The following TXNDC11 variants were observed in gnomAD, a reference collection of about 807,000 sequenced individuals.
TXNDC11 encodes the protein thioredoxin domain-containing protein 11.
In TXNDC11, 68 loss-of-function variants were observed where a neutral mutation model predicts 78.0. The ratio of observed to expected loss-of-function variants is 0.87; its 90% confidence interval spans 0.72 to 1.07. The LOEUF (loss-of-function observed/expected upper bound fraction) is 1.07, where lower values mean the gene tolerates loss of function less well. TXNDC11 is among the 50% of genes least tolerant of loss of function. The pLI, the probability that TXNDC11 is intolerant of heterozygous loss-of-function variation, is 0.00. For synonymous variants in TXNDC11, 571 were observed against 495.2 expected (o/e 1.15, Z -2.03); for missense variants, 1,389 against 1,221.8 (o/e 1.14, Z -2.04).
intron 5 of TXNDC11, among the ~76,000 whole-genome samples, chr16:11,710,094 G>A (rs987577734): frequency 3.3e-5 from 5 of 152,160 alleles, no homozygotes; most frequent in African/African-American, 1.2e-4. Flanking sequence ...AGCGAGCCAA[G>A]ATCACACCAC....
rs1367206231 is a variant in TXNDC11, at chr16:11,679,207, G to A, written c.2865C>T (p.Asn955=). ...ATCATTTAAAAAGTTAGTCTGTCCT[G>A]TTCTCCTTATTCCTTTCAGACACCA... ...ATLVSERNKE[N]RTD is the part of the protein sequence containing the mutation. Residue 955 remains asparagine (N), a synonymous_variant, in exon 12 of 12, where the codon AAC becomes AAT. Coordinates refer to ENST00000283033, the MANE Select transcript of TXNDC11 (RefSeq NM_015914.7). The surrounding 1 kb of genome is among the most constrained non-coding windows in gnomAD (Gnocchi z 4.6). 2 of 1,613,668 alleles carry A rather than the reference G, an allele frequency of 1.2e-6. No individual in the cohort carries two copies. Among genetic ancestry groups the A allele is most frequent in the Non-Finnish European group, 1.7e-6 (2 of 1,179,996 alleles).
At chr16:11,709,476 C>CTA (rs2051278915) in intron 5 of TXNDC11, among the ~76,000 whole-genome samples, 2 of 132,438 alleles carry the variant, frequency 1.5e-5, no homozygotes, top group African/African-American at 3.0e-5. Context: ...GCTCTGTTGC[C>CTA]CAGGCTGGAG....
intron 5 of TXNDC11, among the ~76,000 whole-genome samples, chr16:11,714,398 T>C (rs537269531): frequency 1.3e-5 from 2 of 152,280 alleles, no homozygotes; most frequent in South Asian, 4.1e-4. Context: ...TCCAGCACTT[T>C]GGGAGGCCGA....
At chr16:11,704,905 C>A (rs1193582733) in intron 5 of TXNDC11, among the ~76,000 whole-genome samples, 1 of 129,758 alleles carries the variant, frequency 7.7e-6, no homozygotes, top group Non-Finnish European at 1.7e-5. Context: ...ATGTTAACTT[C>A]TTTTTCTTTC....
At chr16:11,705,472 C>T (rs938062547) in intron 5 of TXNDC11, among the ~76,000 whole-genome samples, 1 of 152,168 alleles carries the variant, frequency 6.6e-6, no homozygotes, top group African/African-American at 2.4e-5. Flanking sequence ...AGCAGCTGAT[C>T]TTGGAGGACA....
intron 2 of TXNDC11, 45 bp from the exon 3 acceptor site, chr16:11,734,124 GA>G (rs1567350899): frequency 7.5e-6 from 9 of 1,203,494 alleles, no homozygotes; most frequent in Non-Finnish European, 1.1e-5. Context: ...AATAACAACT[GA>G]AAAGTTACCA....
chr16:11,689,087 CTTTTTTT>C (rs34967613), intron 8 of TXNDC11, among the ~76,000 whole-genome samples: 6 of 143,118 alleles, frequency 4.2e-5, no homozygotes, highest in Admixed American at 2.1e-4. Context: ...TTGAATTTCA[CTTTTTTT>C]TTTTTTTTTA....
At chr16:11,726,884 T>C (rs2051896421) in intron 4 of TXNDC11, among the ~76,000 whole-genome samples, 1 of 151,950 alleles carries the variant, frequency 6.6e-6, no homozygotes, top group African/African-American at 2.4e-5. Context: ...TGAAACCCCA[T>C]CTCTACTAAA....
intron 4 of TXNDC11, among the ~76,000 whole-genome samples, chr16:11,725,538 C>T (rs183706671): frequency 1.9e-4 from 29 of 152,238 alleles, no homozygotes; most frequent in Admixed American, 1.8e-3. Context: ...ACATGATAGA[C>T]AAGAATTTGG....
At chr16:11,698,513 A>C (rs1317605117) in intron 6 of TXNDC11, among the ~76,000 whole-genome samples, 188 bp from the exon 7 acceptor site, 3 of 152,248 alleles carry the variant, frequency 2.0e-5, no homozygotes, top group African/African-American at 4.8e-5. Context: ...TGGTTGAAAA[A>C]ACAAAAGTGG....
chr16:11,733,682 G>A (rs2052126383), intron 3 of TXNDC11, among the ~76,000 whole-genome samples: 1 of 152,216 alleles, frequency 6.6e-6, no homozygotes, highest in African/African-American at 2.4e-5. Flanking sequence ...TACGATATCT[G>A]AAATGCATTG....
At chr16:11,705,121 T>C (rs960016193) in intron 5 of TXNDC11, among the ~76,000 whole-genome samples, 1 of 152,014 alleles carries the variant, frequency 6.6e-6, no homozygotes, top group Non-Finnish European at 1.5e-5. Context: ...GATCTCGAAC[T>C]CCTAACCTCA....
intron 5 of TXNDC11, among the ~76,000 whole-genome samples, chr16:11,712,905 T>A (rs1443559308): frequency 2.1e-5 from 3 of 143,404 alleles, no homozygotes; most frequent in Admixed American, 1.4e-4. Context: ...CTGACCAACA[T>A]GGAGAAACCC....
chr16:11,701,696 A>C (rs1301216303), intron 5 of TXNDC11, among the ~76,000 whole-genome samples: 1 of 152,246 alleles, frequency 6.6e-6, no homozygotes, highest in Non-Finnish European at 1.5e-5. Flanking sequence ...AAAAGGAAGC[A>C]AATTAAAACA....
intron 2 of TXNDC11, 31 bp from the exon 3 acceptor site, chr16:11,734,110 T>A: frequency 1.4e-6 from 2 of 1,392,416 alleles, no homozygotes; most frequent in Non-Finnish European, 2.0e-6. Context: ...TTCAAATGAC[T>A]ATGAATAACA....
intron 10 of TXNDC11, among the ~76,000 whole-genome samples, 173 bp from the exon 11 acceptor site, chr16:11,684,418 A>G (rs542399279): frequency 3.9e-5 from 6 of 152,318 alleles, no homozygotes; most frequent in African/African-American, 1.4e-4. Flanking sequence ...TACTTCCAAG[A>G]CATACAACAT....
intron 1 of TXNDC11, among the ~76,000 whole-genome samples, chr16:11,739,123 A>C (rs977957144): frequency 1.3e-5 from 2 of 152,206 alleles, no homozygotes; most frequent in African/African-American, 4.8e-5. Context: ...GCAACTCAGT[A>C]ATTTTGCTCT....
Position 11,691,977 on chromosome 16 carries a change from C to A in TXNDC11, c.1213G>T (p.Ala405Ser), listed in dbSNP as rs1441471231. The A allele has an allele frequency of 1.2e-6, 2 of 1,601,508 alleles. No individual in the cohort carries two copies. The highest frequency in any genetic ancestry group is 2.2e-5 in the South Asian group (2 of 88,900). Residue 405 changes from alanine (A) to serine (S), a missense_variant, in exon 8 of 12, where the codon GCC (alanine) becomes TCC (serine). Physicochemically the swap from Ala to Ser is moderately conservative, Grantham distance 99 (BLOSUM62 1). Transcript: ENST00000283033. ...RVDAPVLESL[A>S]LEVPAQLPDP... ...GGCAGCTGTGCCGGCACTTCCAGGG[C>A]CAGGGACTCCAGCACTGGAGCATCC...
chr16:11,719,530 A>G (rs1020196305), intron 5 of TXNDC11, among the ~76,000 whole-genome samples: 15 of 152,238 alleles, frequency 9.9e-5, no homozygotes, highest in Non-Finnish European at 1.5e-5. Flanking sequence ...ATTGCCAGTC[A>G]TATAATTGTT....
Sources: gnomAD v4.1 joint callset for allele counts (sites outside exome capture counted in the v4.1 genomes callset) on GRCh38, gnomAD v4.1.1 for gene constraint, Gnocchi (gnomAD v3.1) non-coding constraint, MANE v1.5 for transcripts, NCBI Gene and HGNC (gene_info 2026-07-23, HGNC 2026-07-21) for gene names.